The following PCDHA5 variants were observed in gnomAD, a reference collection of about 807,000 sequenced individuals.
PCDHA5 encodes the protein protocadherin alpha-5.
PCDHA5 carries 43 observed loss-of-function variants against 61.6 expected under a neutral mutation model. The observed-to-expected ratio is 0.70, with a 90% confidence interval of 0.55 to 0.90. The LOEUF (loss-of-function observed/expected upper bound fraction) is 0.90. Among genes scored for constraint, PCDHA5 ranks in the 40% least tolerant of loss-of-function variants. PCDHA5 has a pLI of 0.00. For synonymous variants in PCDHA5, 627 were observed against 543.9 expected (o/e 1.15, Z -2.13); for missense variants, 1,298 against 1,222.7 (o/e 1.06, Z -0.92).
At chr5:140,870,161 CCTT>C in intron 1 of PCDHA5, 2 of 1,614,124 alleles carry the variant, frequency 1.2e-6, no homozygotes, top group Non-Finnish European at 1.7e-6. Flanking sequence ...GCCGTGACTT[CCTT>C]GTCCCTCCCA....
chr5:140,829,798 G>A, intron 1 of PCDHA5: 1 of 1,613,874 alleles, frequency 6.2e-7, no homozygotes, highest in Non-Finnish European at 8.5e-7. Flanking sequence ...TGGCGCCTCG[G>A]GTGGGTGGTA....
intron 1 of PCDHA5, among the ~76,000 whole-genome samples, chr5:140,890,167 A>G (rs1423577741): frequency 6.6e-6 from 1 of 152,174 alleles, no homozygotes; most frequent in East Asian, 1.9e-4. Context: ...CTGCCACAGA[A>G]ATAGGCAAAT....
chr5:140,893,528 G>C (rs541953324), intron 1 of PCDHA5, among the ~76,000 whole-genome samples: 2 of 152,254 alleles, frequency 1.3e-5, no homozygotes, highest in Admixed American at 6.5e-5. Context: ...ACTCCTTTAA[G>C]TATTTCTTGT....
chr5:140,828,597 C>A lies in PCDHA5; in HGVS notation c.2352+4470C>A, dbSNP rs1365615001. 16 of 1,614,084 alleles carry A rather than the reference C, an allele frequency of 9.9e-6. No individual in the cohort carries two copies. Among genetic ancestry groups the A allele is most frequent in the Non-Finnish European group, 1.4e-5 (16 of 1,180,058 alleles). On this transcript the variant is annotated intron_variant, in intron 1 of 3. Coordinates refer to ENST00000529859, the MANE Select transcript of PCDHA5 (RefSeq NM_018908.3). ...GATGTTGGCTCAAATTCCATCTTAACCTATAAACTCAGTTCTAGCGAATAC... is the reference window on the plus strand; with the variant it reads ...GATGTTGGCTCAAATTCCATCTTAAACTATAAACTCAGTTCTAGCGAATAC...
chr5:140,991,981 T>TACC (rs1311484629), intron 3 of PCDHA5, among the ~76,000 whole-genome samples: 8 of 152,126 alleles, frequency 5.3e-5, no homozygotes, highest in Admixed American at 2.0e-4. Flanking sequence ...TTATTCTGCC[T>TACC]ACCACCCGGT....
chr5:140,870,748 A>G lies in PCDHA5; in HGVS notation c.2352+46621A>G, dbSNP rs782462608. ...CGTGCCGCCTCTGAGCAGCAACGTG[A>G]CGCTGCAGGTGTTCGTGCTGGACGA... On this transcript the variant is annotated intron_variant, in intron 1 of 3. Transcript: ENST00000529859. The G allele has an allele frequency of 1.9e-6, 3 of 1,613,510 alleles. No individual in the cohort carries two copies. In the South Asian group the frequency reaches 3.3e-5, roughly 18 times the overall value.
chr5:140,884,472 G>A (rs1382253304), intron 1 of PCDHA5: 2 of 1,613,830 alleles, frequency 1.2e-6, no homozygotes, highest in Non-Finnish European at 1.7e-6. Flanking sequence ...TGCGCGCCGG[G>A]CAAGCCCACT....
chr5:140,928,892 T>C, intron 1 of PCDHA5: 1 of 1,614,198 alleles, frequency 6.2e-7, no homozygotes, highest in Non-Finnish European at 8.5e-7. Flanking sequence ...CTTCCAGACT[T>C]TGAAGATGTC....
chr5:140,968,979 G>A (rs782482075), intron 1 of PCDHA5: 6 of 1,614,042 alleles, frequency 3.7e-6, no homozygotes, highest in South Asian at 3.3e-5. Context: ...ACTGCGTATG[G>A]CACTGCATGC....
At chr5:140,855,432 A>T (rs2043465166) in intron 1 of PCDHA5, among the ~76,000 whole-genome samples, 1 of 150,022 alleles carries the variant, frequency 6.7e-6, no homozygotes, top group Non-Finnish European at 1.5e-5. Context: ...TCTAGTGATG[A>T]CTAGATCTTC....
At chr5:140,869,669 T>C (rs1461591468) in intron 1 of PCDHA5, 49 of 1,613,358 alleles carry the variant, frequency 3.0e-5, no homozygotes, top group Non-Finnish European at 4.1e-5. Context: ...GGTAAGCAGA[T>C]TAAAAGACTG....
chr5:141,011,104 C>A lies in PCDHA5; in HGVS notation c.*1167C>A, dbSNP rs1396728499. On this transcript the variant is annotated 3_prime_UTR_variant, in exon 4 of 4. Transcript: ENST00000529859. ...GATCTCTCTTTCTCTCTCTCTCTCT[C>A]TTTTCTAAGAAACAATTATGTGCAC... is the stretch of plus-strand genomic sequence containing the variant. 6.5e-6 allele frequency: 1 copy of A among 153,726 alleles called. No individual in the cohort carries two copies. The highest frequency in any genetic ancestry group is 1.5e-5 in the Non-Finnish European group (1 of 68,028). The allele number at this position is 153,726 out of a possible 1,614,324, so 9.5% of individuals were successfully genotyped here. A position where few individuals can be genotyped will look rare whatever the true frequency, so the allele number is the denominator to read the frequency against.
intron 1 of PCDHA5, among the ~76,000 whole-genome samples, chr5:140,838,077 A>AGTGTGTGTGT (rs57130401): frequency 1.2e-5 from 1 of 80,662 alleles, no homozygotes; most frequent in Non-Finnish European, 2.4e-5. Flanking sequence ...ATATATATAT[A>AGTGTGTGTGT]GTGTGTGTGT....
intron 1 of PCDHA5, among the ~76,000 whole-genome samples, chr5:140,925,526 C>T (rs2153578026): frequency 6.6e-6 from 1 of 152,028 alleles, no homozygotes; most frequent in Non-Finnish European, 1.5e-5. Flanking sequence ...AAATTAAAAG[C>T]GAGGAGAAAT....
chr5:140,857,695 G>T (rs2044799008), intron 1 of PCDHA5: 1 of 1,597,116 alleles, frequency 6.3e-7, no homozygotes, highest in South Asian at 1.1e-5. Context: ...GCAACTTGAC[G>T]CTGCAGGTGT....
At chr5:140,897,188 A>AT (rs1353420094) in intron 1 of PCDHA5, among the ~76,000 whole-genome samples, 5 of 152,104 alleles carry the variant, frequency 3.3e-5, no homozygotes, top group African/African-American at 7.2e-5. Flanking sequence ...CAAAAAATAT[A>AT]TTTTTTTATT....
At position 140,848,366 on chromosome 5, in the gene PCDHA5, G is replaced by A. The variant is rs2150409597; in HGVS notation, c.2352+24239G>A. ...TACAGCCCTTTTCCCATGGGAAAGA[G>A]GCTCAATTCTTTTTCACTCTCTCTG... On this transcript the variant is annotated intron_variant, in intron 1 of 3. Transcript: ENST00000529859. 4.6e-5 allele frequency: 50 copies of A among 1,096,168 alleles called. 2 individuals are homozygous for A. The highest frequency in any genetic ancestry group is 2.3e-5 in the Admixed American group (1 of 42,774). The allele number at this position is 1,096,168 out of a possible 1,614,324, so 67.9% of individuals were successfully genotyped here.
At chr5:140,876,754 C>A in intron 1 of PCDHA5, 1 of 1,614,212 alleles carries the variant, frequency 6.2e-7, no homozygotes, top group Non-Finnish European at 8.5e-7. Context: ...GGTGACTGCG[C>A]GGGATGGGGG....
At chr5:140,902,324 C>A (rs1554190388) in intron 1 of PCDHA5, among the ~76,000 whole-genome samples, 1 of 151,472 alleles carries the variant, frequency 6.6e-6, no homozygotes, top group Non-Finnish European at 1.5e-5. Context: ...AGGTGTAACT[C>A]ACTTCGCCTG....
Sources: allele counts gnomAD v4.1 joint callset (sites outside exome capture counted in the v4.1 genomes callset), GRCh38; gene constraint gnomAD v4.1.1; transcripts MANE v1.5; gene names NCBI Gene and HGNC (gene_info 2026-07-23, HGNC 2026-07-21).